Variants in DDX24 observed in about 807,000 individuals in gnomAD.
DDX24 encodes the protein DEAD-box helicase 24, also known as ATP-dependent RNA helicase DDX24.
In DDX24, 24 loss-of-function variants were observed where a neutral mutation model predicts 68.9. The ratio of observed to expected loss-of-function variants is 0.35; its 90% CI spans 0.25 to 0.49. DDX24 has a LOEUF of 0.49. DDX24 is among the 20% of genes least tolerant of loss of function. The probability of loss-of-function intolerance (pLI) is 0.99; values close to 1 mark genes in which losing one functional copy is unlikely to be tolerated. For synonymous variants in DDX24, 395 were observed against 385.2 expected (o/e 1.03, Z -0.30); for missense variants, 989 against 1,039.0 (o/e 0.95, Z 0.66).
intron 2 of DDX24, among the ~76,000 whole-genome samples, chr14:94,072,977 AAAAT>A (rs10572537): frequency 0.31 from 46,964 of 151,480 alleles, 7,498 homozygotes; most frequent in Admixed American, 0.38. Context: ...AAATGTGAAA[AAAAT>A]AAATAAATCA....
At chr14:94,057,241 AT>A (rs945146247) in intron 6 of DDX24, 5 of 152,240 alleles carry the variant, frequency 3.3e-5, no homozygotes, top group Non-Finnish European at 5.9e-5. Flanking sequence ...CCAAAATTTT[AT>A]GCTGATATTC....
At position 94,078,837 on chromosome 14, in the gene DDX24, G is replaced by A. The variant is rs540855922; in HGVS notation, c.718+188C>T. The A allele has an allele frequency of 1.3e-4, 82 of 620,614 alleles. No individual in the cohort carries two copies. In the African/African-American group the frequency reaches 1.4e-3, roughly 11 times the overall value. The allele number at this position is 620,614 out of a possible 1,614,324, so 38.4% of individuals were successfully genotyped here. On this transcript the variant is annotated intron_variant, in intron 2 of 8. Transcript: ENST00000621632. Reference sequence around the variant, plus strand: ...CTACAGAGCTGAGAGAGATAAAAGTGATCTGGCTAGGATACCATTCAAGAA... The same window carrying A: ...CTACAGAGCTGAGAGAGATAAAAGTAATCTGGCTAGGATACCATTCAAGAA...
Position 94,062,257 on chromosome 14 carries a change from A to C in DDX24, c.1083T>G (p.Leu361=). The C allele has an allele frequency of 6.2e-7, 1 of 1,614,070 alleles. No homozygotes were observed. The highest frequency in any genetic ancestry group is 8.5e-7 in the Non-Finnish European group (1 of 1,180,010). The change falls in exon 3 of 9, where the codon CTT becomes CTG. Residue 361 remains leucine (L), a synonymous_variant. Coordinates refer to ENST00000621632, the MANE Select transcript of DDX24 (RefSeq NM_020414.4). ...PKQNENEEEN[L]DKEQTGNLKQ... ...TTAGATTTCCAGTCTGCTCTTTATCAAGATTTTCCTCCTCATTCTCATTCT... is the reference window on the plus strand; with the variant it reads ...TTAGATTTCCAGTCTGCTCTTTATCCAGATTTTCCTCCTCATTCTCATTCT...
At position 94,079,622 on chromosome 14, in the gene DDX24, C is replaced by G. The variant is rs770192297; in HGVS notation, c.121G>C (p.Asp41His). Reference protein sequence around the residue: ...EVKIDPNMFADGQMDDLVCFE... With the variant: ...EVKIDPNMFAHGQMDDLVCFE... ...CACACCAAGTCATCCATCTGTCCATCTGCAAACATATTTGGGTCAATCTTC... is the reference window on the plus strand; with the variant it reads ...CACACCAAGTCATCCATCTGTCCATGTGCAAACATATTTGGGTCAATCTTC... Residue 41 changes from aspartate (D) to histidine (H), a missense_variant, in exon 2 of 9, where the codon GAT becomes CAT. Around this residue, in one of 3 missense-constraint regions of DDX24, gnomAD observed 295 missense variants for 263.0 expected, o/e 1.12. Transcript: ENST00000621632. 1 of 1,614,192 alleles carries G rather than the reference C, an allele frequency of 6.2e-7. No individual in the cohort carries two copies. Among genetic ancestry groups the G allele is most frequent in the African/African-American group, 1.3e-5 (1 of 75,030 alleles).
intron 2 of DDX24, among the ~76,000 whole-genome samples, chr14:94,073,723 A>G (rs1049266333): frequency 6.6e-6 from 1 of 152,122 alleles, no homozygotes. Context: ...AACTAATAGA[A>G]CTGCAAGTAG....
chr14:94,067,758 T>C (rs913484584), intron 2 of DDX24, among the ~76,000 whole-genome samples: 4 of 152,198 alleles, frequency 2.6e-5, no homozygotes, highest in African/African-American at 9.7e-5. Flanking sequence ...GAAGGAAAGA[T>C]ACAATTGTTT....
chr14:94,055,291 G>A (rs1885472155), intron 6 of DDX24, 107 bp from the exon 7 acceptor site: 2 of 1,156,642 alleles, frequency 1.7e-6, no homozygotes, highest in African/African-American at 1.6e-5. Flanking sequence ...CAGCCAGGCA[G>A]GTAGAAACTT....
intron 2 of DDX24, among the ~76,000 whole-genome samples, chr14:94,071,932 C>T (rs10131357): frequency 0.021 from 3,225 of 151,810 alleles, 106 homozygotes; most frequent in African/African-American, 0.074. Context: ...GCAACAAGAG[C>T]GAAACTCCAT....
intron 6 of DDX24, chr14:94,057,300 A>AT (rs1555435868): frequency 6.6e-6 from 1 of 152,514 alleles, no homozygotes; most frequent in Non-Finnish European, 1.5e-5. Context: ...GGCAGTTAAC[A>AT]TGAGTAAGTG....
At chr14:94,061,937 G>GA (rs1043306899) in intron 3 of DDX24, among the ~76,000 whole-genome samples, 160 bp downstream of exon 3, 5 of 152,098 alleles carry the variant, frequency 3.3e-5, no homozygotes, top group Admixed American at 2.0e-4. Flanking sequence ...TGAGGGAACT[G>GA]AAAAAATGTC....
chr14:94,060,174 TG>T lies in DDX24; in HGVS notation c.1836del (p.Met613CysfsTer3), dbSNP rs1375815426. On this transcript the variant is annotated frameshift_variant, in exon 5 of 9. Transcript: ENST00000621632. LOFTEE classifies it high-confidence loss of function. ...RLSGLLKVLD[I>X]MPLTLHACMH... ...ATACAGGCATGCAGGGTCAAGGGCA[TG>T]ATATCAAGGACTTTGAGGAGCCCAG... 1 of 1,614,156 alleles carries T rather than the reference TG, an allele frequency of 6.2e-7. No individual in the cohort carries two copies. Among genetic ancestry groups the T allele is most frequent in the Non-Finnish European group, 8.5e-7 (1 of 1,180,030 alleles).
chr14:94,061,170 G>A, intron 3 of DDX24, 104 bp from the exon 4 acceptor site: 2 of 1,340,924 alleles, frequency 1.5e-6, no homozygotes, highest in Non-Finnish European at 2.1e-6. Flanking sequence ...CATCAGCACA[G>A]TGTAATGCCC....
At chr14:94,069,565 A>C (rs1885786849) in intron 2 of DDX24, among the ~76,000 whole-genome samples, 1 of 152,178 alleles carries the variant, frequency 6.6e-6, no homozygotes, top group Non-Finnish European at 1.5e-5. Context: ...CCAAAAAAGA[A>C]AACTACAGAC....
At chr14:94,069,472 C>G (rs186836009) in intron 2 of DDX24, among the ~76,000 whole-genome samples, 1 of 152,082 alleles carries the variant, frequency 6.6e-6, no homozygotes, top group East Asian at 1.9e-4. Flanking sequence ...CACTATTCTA[C>G]GAGATGGAGA....
At chr14:94,057,966 C>T in intron 5 of DDX24, 69 bp from the exon 6 acceptor site, 2 of 1,433,434 alleles carry the variant, frequency 1.4e-6, no homozygotes, top group Non-Finnish European at 1.9e-6. Flanking sequence ...TTACCAACTG[C>T]TGAGCATCCT....
chr14:94,061,894 G>A (rs993354943), intron 3 of DDX24, among the ~76,000 whole-genome samples: 2 of 152,078 alleles, frequency 1.3e-5, no homozygotes, highest in African/African-American at 4.8e-5. Context: ...AATTTCCTAT[G>A]CATCCACAAT....
chr14:94,054,897 A>T, intron 7 of DDX24, 99 bp downstream of exon 7: 1 of 1,328,304 alleles, frequency 7.5e-7, no homozygotes, highest in Non-Finnish European at 1.1e-6. Flanking sequence ...ACCATTCCTT[A>T]GTTTTCAAGG....
chr14:94,069,635 C>T (rs1189639353), intron 2 of DDX24, among the ~76,000 whole-genome samples: 1 of 152,092 alleles, frequency 6.6e-6, no homozygotes, highest in Non-Finnish European at 1.5e-5. Flanking sequence ...TAACCAAATC[C>T]AACAACATAT....
Position 94,062,454 on chromosome 14 carries a change from C to G in DDX24, c.886G>C (p.Asp296His), listed in dbSNP as rs748743559. ...RSPGKAEAES[D>H]ALPDDTVIES... ...ATTACAGTATCGTCAGGCAATGCAT[C>G]AGACTCAGCTTCAGCCTTGCCTGGT... The change falls in exon 3 of 9, where the codon GAT becomes CAT. Residue 296 changes from aspartate (D) to histidine (H), a missense_variant. Transcript: ENST00000621632. 1 of 1,614,152 alleles carries G rather than the reference C, an allele frequency of 6.2e-7. No individual in the cohort carries two copies. The highest frequency in any genetic ancestry group is 8.5e-7 in the Non-Finnish European group (1 of 1,180,022).
Sources: gnomAD v4.1 joint callset for allele counts (sites outside exome capture counted in the v4.1 genomes callset) on GRCh38, gnomAD v4.1.1 for gene constraint, gnomAD v4.1.1 regional missense constraint, MANE v1.5 for transcripts, NCBI Gene and HGNC (gene_info 2026-07-23, HGNC 2026-07-21) for gene names.